Variants in CLDN16 observed in about 807,000 individuals in gnomAD.
The protein encoded by CLDN16 is claudin 16, also known as claudin-16.
A neutral mutation model predicts 24.6 loss-of-function variants in CLDN16; 13 were observed. That is an observed-to-expected ratio of 0.53 (90% CI 0.34 to 0.84). CLDN16 has a LOEUF of 0.84. Among genes scored for constraint, CLDN16 ranks in the 40% least tolerant of loss-of-function variants. The pLI is 0.01. For synonymous variants in CLDN16, 116 were observed against 106.7 expected, an observed-to-expected ratio of 1.09 and a Z score of -0.54; for missense variants, 298 against 292.7, an observed-to-expected ratio of 1.02 and a Z score of -0.13.
chr3:190,341,076 A>C (rs1233187270), intron 1 of CLDN16, among the ~76,000 whole-genome samples: 4 of 152,146 alleles, frequency 2.6e-5, no homozygotes, highest in African/African-American at 9.6e-5. Context: ...ATGGGCTGGC[A>C]TGACATTGAG....
At chr3:190,298,955 C>A in the CLDN16 span, among the ~76,000 whole-genome samples, 1 of 152,046 alleles carries the variant, frequency 6.6e-6, no homozygotes, top group Non-Finnish European at 1.5e-5. Context: ...AAGAGTTTCT[C>A]AAAAATATAT....
At chr3:190,404,001 C>G (rs146819408) in intron 2 of CLDN16, among the ~76,000 whole-genome samples, 1 of 152,084 alleles carries the variant, frequency 6.6e-6, no homozygotes, top group African/African-American at 2.4e-5. Context: ...AAGCTCACTA[C>G]GTAGAGAAAA....
the CLDN16 span, among the ~76,000 whole-genome samples, chr3:190,292,520 T>C: frequency 2.4e-3 from 369 of 152,312 alleles, 2 homozygotes; most frequent in Non-Finnish European, 3.2e-3. Context: ...TTCCCCATTG[T>C]CTTGGCTATT....
intron 4 of CLDN16, 104 bp from the exon 5 acceptor site, chr3:190,409,799 G>T: frequency 1.9e-6 from 2 of 1,032,922 alleles, no homozygotes; most frequent in East Asian, 2.5e-5. Context: ...CCTTCTTTGA[G>T]TATCTATATT....
At chr3:190,339,251 T>C (rs1453478623) in intron 1 of CLDN16, among the ~76,000 whole-genome samples, 1 of 152,228 alleles carries the variant, frequency 6.6e-6, no homozygotes, top group East Asian at 1.9e-4. Context: ...AGACTCTCTG[T>C]CTAATACTCT....
upstream of CLDN16, among the ~76,000 whole-genome samples, chr3:190,318,332 C>G (rs1716823913): frequency 6.6e-6 from 1 of 152,160 alleles, no homozygotes; most frequent in African/African-American, 2.4e-5. Flanking sequence ...CTTAATCACT[C>G]CAATTAAGGA....
At chr3:190,343,268 C>T (rs1577402605) in intron 1 of CLDN16, among the ~76,000 whole-genome samples, 1 of 152,034 alleles carries the variant, frequency 6.6e-6, no homozygotes, top group South Asian at 2.1e-4. Context: ...TACCACCTCA[C>T]GCCTGTTAGG....
At chr3:190,295,258 T>C in the CLDN16 span, among the ~76,000 whole-genome samples, 1 of 152,168 alleles carries the variant, frequency 6.6e-6, no homozygotes, top group Non-Finnish European at 1.5e-5. Context: ...TTCATCATGA[T>C]GCAGTGATTT....
intron 1 of CLDN16, among the ~76,000 whole-genome samples, chr3:190,325,228 C>T (rs1024766629): frequency 3.3e-5 from 5 of 152,054 alleles, no homozygotes; most frequent in South Asian, 2.1e-4. Context: ...AATATGGCAG[C>T]GCTGGAATTC....
chr3:190,339,489 C>G (rs77805280), intron 1 of CLDN16, among the ~76,000 whole-genome samples: 10,459 of 152,038 alleles, frequency 0.069, 553 homozygotes, highest in African/African-American at 0.14. Context: ...GTTGAGGAGA[C>G]AATGTATGAG....
chr3:190,391,704 G>T (rs529100482), intron 1 of CLDN16, among the ~76,000 whole-genome samples: 4 of 152,218 alleles, frequency 2.6e-5, no homozygotes, highest in South Asian at 2.1e-4. Context: ...GAAGGAGGCA[G>T]AAAAAGCTCA....
intron 1 of CLDN16, among the ~76,000 whole-genome samples, chr3:190,327,280 C>T (rs544536145): frequency 1.3e-5 from 2 of 152,268 alleles, no homozygotes; most frequent in South Asian, 2.1e-4. Context: ...CATCAAATTA[C>T]GGAGGGTAAT....
At position 190,404,768 on chromosome 3, in the gene CLDN16, TGGTGGTAACTCGA is replaced by T. The variant is rs1719048217; in HGVS notation, c.226_238del (p.Val76ArgfsTer2). The T allele has an allele frequency of 6.2e-7, 1 of 1,614,080 alleles. No homozygotes were observed. Among genetic ancestry groups the T allele is most frequent in the African/African-American group, 1.3e-5 (1 of 74,938 alleles). ...ATATGCCCTGGTCTTCCAGTGAAGCTGGTGGTAACTCGAGCGTTGATGATTACTGCAGATATTC... is the reference window on the plus strand; with the variant it reads ...ATATGCCCTGGTCTTCCAGTGAAGCTGCGTTGATGATTACTGCAGATATTC... On this transcript the variant is annotated frameshift_variant, in exon 3 of 5. Coordinates refer to ENST00000264734, the MANE Select transcript of CLDN16 (RefSeq NM_006580.4). LOFTEE classifies it high-confidence loss of function.
chr3:190,339,223 C>G (rs1264625363), intron 1 of CLDN16, among the ~76,000 whole-genome samples: 1 of 152,200 alleles, frequency 6.6e-6, no homozygotes, highest in African/African-American at 2.4e-5. Flanking sequence ...TGTATTCCTT[C>G]TAGAAATCAC....
intron 3 of CLDN16, among the ~76,000 whole-genome samples, chr3:190,382,954 G>T (rs9857018): frequency 6.6e-6 from 1 of 151,914 alleles, no homozygotes; most frequent in African/African-American, 2.4e-5. Flanking sequence ...TGGGCTGCCC[G>T]TAATGAACAC....
intron 1 of CLDN16, among the ~76,000 whole-genome samples, chr3:190,391,239 G>A (rs1221768623): frequency 6.9e-6 from 1 of 144,744 alleles, no homozygotes; most frequent in Non-Finnish European, 1.5e-5. Flanking sequence ...ATATTTGGAT[G>A]ATGTTGGCAC....
At chr3:190,314,627 T>G in the CLDN16 span, among the ~76,000 whole-genome samples, 1 of 152,020 alleles carries the variant, frequency 6.6e-6, no homozygotes, top group Non-Finnish European at 1.5e-5. Context: ...TGGTCTCAAA[T>G]TCCTGAGTTC....
At chr3:190,303,305 C>A in the CLDN16 span, among the ~76,000 whole-genome samples, 1 of 152,096 alleles carries the variant, frequency 6.6e-6, no homozygotes, top group African/African-American at 2.4e-5. Context: ...AGTCAAGCAG[C>A]AGCAATAGAC....
At chr3:190,385,848 T>A (rs577670761), upstream of CLDN16, among the ~76,000 whole-genome samples, 1 of 152,292 alleles carries the variant, frequency 6.6e-6, no homozygotes, top group East Asian at 1.9e-4. Flanking sequence ...TCTCTCAAAG[T>A]ATGGCCATCT....
Sources: allele counts gnomAD v4.1 joint callset (sites outside exome capture counted in the v4.1 genomes callset), GRCh38; gene constraint gnomAD v4.1.1; transcripts MANE v1.5; gene names NCBI Gene and HGNC (gene_info 2026-07-23, HGNC 2026-07-21).